The following TMIGD3 variants were observed in gnomAD, a reference collection of about 807,000 sequenced individuals.
TMIGD3 encodes the protein transmembrane and immunoglobulin domain containing 3.
TMIGD3 carries 21 observed loss-of-function variants against 28.1 expected under a neutral mutation model. The ratio of observed to expected loss-of-function variants is 0.75; its 90% CI spans 0.53 to 1.08. The LOEUF (loss-of-function observed/expected upper bound fraction) is 1.08, where lower values mean the gene tolerates loss of function less well. Among genes scored for constraint, TMIGD3 ranks in the 50% least tolerant of loss-of-function variants. The pLI is 0.00. For synonymous variants in TMIGD3, 151 were observed against 162.1 expected, an observed-to-expected ratio of 0.93 and a Z score of 0.52; for missense variants, 416 against 435.6, an observed-to-expected ratio of 0.96 and a Z score of 0.40.
intron 1 of TMIGD3, among the ~76,000 whole-genome samples, chr1:111,522,065 T>G (rs1364723574): frequency 6.6e-6 from 1 of 152,244 alleles, no homozygotes; most frequent in African/African-American, 2.4e-5. Flanking sequence ...CAATTGACCA[T>G]ATACGTATGG....
At chr1:111,559,822 T>C (rs1242967128) in intron 1 of TMIGD3, among the ~76,000 whole-genome samples, 1 of 152,224 alleles carries the variant, frequency 6.6e-6, no homozygotes, top group African/African-American at 2.4e-5. Flanking sequence ...ATCTTAATGC[T>C]GGGAGAGACT....
At chr1:111,494,749 C>T (rs1016047048) in intron 1 of TMIGD3, among the ~76,000 whole-genome samples, 5 of 152,128 alleles carry the variant, frequency 3.3e-5, no homozygotes, top group African/African-American at 9.7e-5. Context: ...TCAAACTATG[C>T]TACAGGACTA....
intron 2 of TMIGD3, 197 bp downstream of exon 2, chr1:111,490,459 C>T (rs918309669): frequency 1.2e-5 from 7 of 567,322 alleles, no homozygotes; most frequent in Middle Eastern, 4.6e-4. Context: ...TCAATTTCCT[C>T]ACAAACTCTC....
intron 1 of TMIGD3, among the ~76,000 whole-genome samples, chr1:111,539,161 T>A (rs1395338702): frequency 6.6e-6 from 1 of 152,208 alleles, no homozygotes; most frequent in Non-Finnish European, 1.5e-5. Context: ...ATATGTTGTG[T>A]GATGCTGAGG....
At chr1:111,492,234 C>G (rs1654699904) in intron 1 of TMIGD3, among the ~76,000 whole-genome samples, 2 of 152,178 alleles carry the variant, frequency 1.3e-5, no homozygotes, top group Admixed American at 6.5e-5. Context: ...CATGCATTAA[C>G]CACCCAACCA....
At chr1:111,489,588 C>A in intron 2 of TMIGD3, 1 of 1,105,376 alleles carries the variant, frequency 9.0e-7, no homozygotes. Context: ...AAGTCCTTTT[C>A]CCTGGCCTAA....
intron 1 of TMIGD3, among the ~76,000 whole-genome samples, chr1:111,563,198 C>T (rs748933429): frequency 6.6e-6 from 1 of 152,008 alleles, no homozygotes; most frequent in Non-Finnish European, 1.5e-5. Context: ...TCGATTTAGC[C>T]CAGGAGGTTG....
chr1:111,492,338 C>G (rs1218216771), intron 1 of TMIGD3, among the ~76,000 whole-genome samples: 1 of 152,158 alleles, frequency 6.6e-6, no homozygotes. Flanking sequence ...ATTTGTTGCA[C>G]AGCAATGAAT....
At chr1:111,499,762 G>T in intron 1 of TMIGD3, 1 of 1,421,576 alleles carries the variant, frequency 7.0e-7, no homozygotes, top group Non-Finnish European at 9.2e-7. Context: ...AAAGGACAAG[G>T]GAAAAATGAA....
intron 1 of TMIGD3, among the ~76,000 whole-genome samples, chr1:111,540,617 T>A (rs776317858): frequency 3.3e-5 from 5 of 152,244 alleles, no homozygotes; most frequent in Admixed American, 6.5e-5. Context: ...TCCCACTTCC[T>A]GACTGCCAGT....
chr1:111,552,592 A>G (rs1439657293), intron 1 of TMIGD3, among the ~76,000 whole-genome samples: 1 of 152,168 alleles, frequency 6.6e-6, no homozygotes, highest in Non-Finnish European at 1.5e-5. Flanking sequence ...ATCACCAAAG[A>G]CAGCCAGTTA....
chr1:111,483,565 A>G lies in TMIGD3; in HGVS notation c.*122T>C. The stretch of plus-strand genomic sequence containing the variant: ...ACCTGGCTGCAAATGATTGTTGTCA[A>G]GGATAGAGGGTCCTTCAGAATTCCT... On this transcript the variant is annotated 3_prime_UTR_variant, in exon 6 of 6. Coordinates refer to ENST00000369716, the MANE Select transcript of TMIGD3 (RefSeq NM_020683.7). The G allele has an allele frequency of 1.2e-6, 1 of 850,948 alleles. No individual in the cohort carries two copies. The highest frequency in any genetic ancestry group is 1.9e-6 in the Non-Finnish European group (1 of 516,242). 52.7% of individuals were successfully genotyped at this position (850,948 alleles called of 1,614,324 possible).
intron 1 of TMIGD3, among the ~76,000 whole-genome samples, chr1:111,558,773 CA>C (rs1022871546): frequency 6.6e-6 from 1 of 151,992 alleles, no homozygotes; most frequent in Admixed American, 6.6e-5. Flanking sequence ...GACAAACTTA[CA>C]AAAAAATTGA....
At position 111,503,254 on chromosome 1, in the gene TMIGD3, A is replaced by G; in HGVS notation, c.101T>C (p.Ile34Thr). 6.2e-7 allele frequency: 1 copy of G among 1,614,250 alleles called. No homozygotes were observed. The highest frequency in any genetic ancestry group is 8.5e-7 in the Non-Finnish European group (1 of 1,180,040). Reference protein sequence around the residue: ...LCAIVGNVLVICVVKLNPSLQ... With the variant: ...LCAIVGNVLVTCVVKLNPSLQ... The stretch of plus-strand genomic sequence containing the variant: ...GCTGGGGTTCAGCTTGACCACGCAG[A>G]TGACCAGCACGTTGCCCACTATGGC... Residue 34 changes from isoleucine (I) to threonine (T), a missense_variant, in exon 1 of 6, where the codon ATC becomes ACC. Coordinates refer to ENST00000369716, the MANE Select transcript of TMIGD3 (RefSeq NM_020683.7).
Position 111,503,033 on chromosome 1 carries a change from G to A in TMIGD3, c.322C>T (p.Arg108Ter), listed in dbSNP as rs35986308. Residue 108 changes from arginine to a stop codon, truncating the protein, a stop_gained, in exon 1 of 6, where the codon CGA (arginine) becomes TGA (stop). Transcript: ENST00000369716. LOFTEE classifies it high-confidence loss of function. Reference protein sequence around the residue: ...IMSLLAIAVDRYLRVKLTVRF... With the variant: ...IMSLLAIAVD ...ACGGTAAGCTTGACCCGCAAGTATC[G>A]GTCCACAGCGATGGCCAGCAAGGAC... The A allele has an allele frequency of 3.5e-5, 57 of 1,614,000 alleles. No individual in the cohort carries two copies. Among genetic ancestry groups the A allele is most frequent in the Middle Eastern group, 1.6e-4 (1 of 6,078 alleles).
chr1:111,502,184 GAT>G (rs1163111030), intron 1 of TMIGD3, among the ~76,000 whole-genome samples: 19 of 45,990 alleles, frequency 4.1e-4, no homozygotes, highest in Non-Finnish European at 7.0e-4. Context: ...AAATATATAG[GAT>G]ATATATATTA....
At chr1:111,557,641 A>G (rs925643168) in intron 1 of TMIGD3, among the ~76,000 whole-genome samples, 9 of 152,204 alleles carry the variant, frequency 5.9e-5, no homozygotes, top group Admixed American at 2.0e-4. Context: ...ATGAACTTCT[A>G]ATGAATACAT....
intron 1 of TMIGD3, among the ~76,000 whole-genome samples, chr1:111,520,118 AAAC>A (rs770747794): frequency 1.3e-5 from 2 of 152,234 alleles, no homozygotes; most frequent in African/African-American, 2.4e-5. Flanking sequence ...GCACAGTCAA[AAAC>A]AACAACAACT....
intron 1 of TMIGD3, among the ~76,000 whole-genome samples, chr1:111,516,940 C>G (rs1299988606): frequency 2.0e-5 from 3 of 152,208 alleles, no homozygotes; most frequent in South Asian, 2.1e-4. Context: ...TCACTCTTAT[C>G]TAAATAGAGC....
Sources: allele counts gnomAD v4.1 joint callset (sites outside exome capture counted in the v4.1 genomes callset), GRCh38; gene constraint gnomAD v4.1.1; transcripts MANE v1.5; gene names NCBI Gene and HGNC (gene_info 2026-07-23, HGNC 2026-07-21).